The following NUDT2 variants were observed in gnomAD, a reference collection of about 807,000 sequenced individuals.
NUDT2 encodes the protein nudix hydrolase 2.
A neutral mutation model predicts 14.2 loss-of-function variants in NUDT2; 12 were observed. The observed-to-expected ratio is 0.84, with a 90% CI of 0.54 to 1.37. NUDT2 has a LOEUF of 1.37. Ranked by LOEUF, NUDT2 falls within the 40% of genes most tolerant of loss-of-function variation. The pLI is 0.00. For synonymous variants in NUDT2, 67 were observed against 67.4 expected (o/e 0.99, Z 0.03); for missense variants, 167 against 176.7 (o/e 0.95, Z 0.31).
At chr9:34,334,960 G>A (rs1838051327) in intron 1 of NUDT2, among the ~76,000 whole-genome samples, 1 of 152,178 alleles carries the variant, frequency 6.6e-6, no homozygotes, top group African/African-American at 2.4e-5. Flanking sequence ...TGTACGCTGT[G>A]AAGGACAGAG....
chr9:34,335,592 G>A (rs1440389232), intron 1 of NUDT2, among the ~76,000 whole-genome samples: 1 of 152,216 alleles, frequency 6.6e-6, no homozygotes, highest in Non-Finnish European at 1.5e-5. Flanking sequence ...TGGGTAGGAG[G>A]AATTCTAGAG....
intron 4 of NUDT2, among the ~76,000 whole-genome samples, chr9:34,340,434 G>A (rs75973425): frequency 6.6e-6 from 1 of 151,836 alleles, no homozygotes; most frequent in Non-Finnish European, 1.5e-5. Context: ...TTCTTAGACT[G>A]TAAAGATTAT....
chr9:34,329,653 C>T (rs919393792), intron 1 of NUDT2, 54 bp downstream of exon 1: 2 of 152,374 alleles, frequency 1.3e-5, no homozygotes, highest in African/African-American at 4.8e-5. Flanking sequence ...GGAAATGAGC[C>T]TTGGAGCGAT....
intron 2 of NUDT2, among the ~76,000 whole-genome samples, chr9:34,338,499 C>A (rs1838154449): frequency 6.7e-6 from 1 of 148,188 alleles, no homozygotes; most frequent in Non-Finnish European, 1.5e-5. Flanking sequence ...CAGTGCTAGA[C>A]CCTGTCTCAA....
chr9:34,343,067 G>T, intron 4 of NUDT2, 57 bp from the exon 5 acceptor site: 3 of 1,491,462 alleles, frequency 2.0e-6, no homozygotes, highest in South Asian at 1.3e-5. Context: ...GGAAAATCCA[G>T]CTTTGGGAAC....
intron 1 of NUDT2, among the ~76,000 whole-genome samples, chr9:34,331,468 T>G (rs17259817): frequency 0.039 from 5,932 of 152,330 alleles, 161 homozygotes; most frequent in Middle Eastern, 0.068. Flanking sequence ...CCTTTCTGAC[T>G]GCATAGACAG....
At chr9:34,339,581 G>A (rs954718162) in intron 4 of NUDT2, among the ~76,000 whole-genome samples, 8 of 152,160 alleles carry the variant, frequency 5.3e-5, no homozygotes, top group Admixed American at 3.9e-4. Flanking sequence ...AGTGGCACAC[G>A]CCTATAATCC....
Position 34,333,225 on chromosome 9 carries a change from C to T in NUDT2, c.-264-3004C>T, listed in dbSNP as rs1015005073. On this transcript the variant is annotated intron_variant, in intron 1 of 4. Transcript: ENST00000379158. ...TTTACCCCTCCTTCAGAGTCTTCTT[C>T]GGATACCAGGATTTAACATCTACGG... 5.3e-5 allele frequency among the ~76,000 whole-genome samples: 8 copies of T among 152,132 alleles called. No individual in the cohort carries two copies. The East Asian group carries it at 1.3e-3, about 26-fold the overall frequency.
chr9:34,341,527 T>G (rs1820187419), intron 4 of NUDT2, among the ~76,000 whole-genome samples: 1 of 152,220 alleles, frequency 6.6e-6, no homozygotes, highest in African/African-American at 2.4e-5. Flanking sequence ...TTTGTTTGTT[T>G]GAGACGGAGT....
rs933249563 is a variant in NUDT2, at chr9:34,339,170, G to T, written c.127+4G>T. The T allele has an allele frequency of 1.2e-6, 2 of 1,610,590 alleles. No homozygotes were observed. Among genetic ancestry groups the T allele is most frequent in the Admixed American group, 3.3e-5 (2 of 59,950 alleles). On this transcript the variant is annotated splice_donor_region_variant and intron_variant, in intron 4 of 4. Transcript: ENST00000379158. ...CATCACTGGACTCCTCCCAAAGGTA[G>T]AGGCCAGAGGGGCCAGCTCTTGGGA...
chr9:34,337,530 A>C (rs1194238954), intron 2 of NUDT2, among the ~76,000 whole-genome samples: 1 of 152,204 alleles, frequency 6.6e-6, no homozygotes, highest in Non-Finnish European at 1.5e-5. Context: ...CAGGTTTAGA[A>C]AAGCTTGGAA....
chr9:34,343,247 C>G lies in NUDT2; in HGVS notation c.251C>G (p.Ala84Gly), dbSNP rs780017881. The G allele has an allele frequency of 6.2e-7, 1 of 1,613,974 alleles. No homozygotes were observed. The highest frequency in any genetic ancestry group is 8.5e-7 in the Non-Finnish European group (1 of 1,180,010). The change falls in exon 5 of 5, where the codon GCC (alanine) becomes GGC (glycine). Residue 84 changes from alanine (A) to glycine (G), a missense_variant. Coordinates refer to ENST00000379158, the MANE Select transcript of NUDT2 (RefSeq NM_001161.5). Reference protein sequence around the residue: ...EGFKRELNYVARNKPKTVIYW... With the variant: ...EGFKRELNYVGRNKPKTVIYW... ...TTCAAAAGGGAACTCAATTATGTGG[C>G]CAGGAACAAGCCTAAAACAGTCATT...
intron 4 of NUDT2, among the ~76,000 whole-genome samples, 166 bp from the exon 5 acceptor site, chr9:34,342,958 C>T (rs926939024): frequency 2.0e-5 from 3 of 151,908 alleles, no homozygotes; most frequent in Non-Finnish European, 4.4e-5. Flanking sequence ...CCCAGGAATT[C>T]AAGGCTGCGG....
Position 34,338,326 on chromosome 9 carries a change from C to CT in NUDT2, c.-151-386dup, listed in dbSNP as rs1563973923. Among the ~76,000 whole-genome samples, 5 of 10,422 alleles carry CT rather than the reference C, an allele frequency of 4.8e-4. No individual in the cohort carries two copies. The South Asian group carries it at 0.034, about 72-fold the overall frequency. The allele number at this position is 10,422 out of a possible 152,430, so 6.8% of individuals were successfully genotyped here. A position where few individuals can be genotyped will look rare whatever the true frequency, so the allele number is the denominator to read the frequency against. Reference sequence around the variant, plus strand: ...TGGGCAATATAGTGAGACCCTGTCTCTAAAAAAAAAAAAAAAAAAAAAAAA... The same window carrying CT: ...TGGGCAATATAGTGAGACCCTGTCTCTTAAAAAAAAAAAAAAAAAAAAAAAA... On this transcript the variant is annotated intron_variant, in intron 2 of 4. Transcript: ENST00000379158.
At chr9:34,331,827 C>T (rs1837946895) in intron 1 of NUDT2, among the ~76,000 whole-genome samples, 1 of 152,164 alleles carries the variant, frequency 6.6e-6, no homozygotes, top group Non-Finnish European at 1.5e-5. Flanking sequence ...CAAACAAATG[C>T]TTCACTTGCA....
At chr9:34,335,068 C>A (rs1430776145) in intron 1 of NUDT2, among the ~76,000 whole-genome samples, 1 of 152,158 alleles carries the variant, frequency 6.6e-6, no homozygotes, top group Non-Finnish European at 1.5e-5. Flanking sequence ...CCCCTAGCTC[C>A]TACTGAATTT....
intron 2 of NUDT2, among the ~76,000 whole-genome samples, chr9:34,337,946 C>T (rs1469015609): frequency 6.6e-6 from 1 of 151,628 alleles, no homozygotes; most frequent in Admixed American, 6.6e-5. Context: ...CGGGTTCAAG[C>T]AATTCTCCTG....
chr9:34,330,720 GGGAGGCCGAGGCGGGC>G (rs1837892536), intron 1 of NUDT2, among the ~76,000 whole-genome samples: 2 of 152,178 alleles, frequency 1.3e-5, no homozygotes, highest in African/African-American at 4.8e-5. Context: ...CTAGCCCTTT[GGGAGGCCGAGGCGGGC>G]GGATCACGAG....
intron 2 of NUDT2, among the ~76,000 whole-genome samples, chr9:34,336,606 A>C (rs1471666437): frequency 6.6e-6 from 1 of 151,934 alleles, no homozygotes; most frequent in Non-Finnish European, 1.5e-5. Context: ...CATTGGTGCA[A>C]ACATGGCTCA....
Sources: gnomAD v4.1 joint callset for allele counts (sites outside exome capture counted in the v4.1 genomes callset) on GRCh38, gnomAD v4.1.1 for gene constraint, MANE v1.5 for transcripts, NCBI Gene and HGNC (gene_info 2026-07-23, HGNC 2026-07-21) for gene names.